Variants in CST3 observed in about 807,000 individuals in gnomAD.
CST3 encodes cystatin C.
A neutral mutation model predicts 9.0 loss-of-function variants in CST3; 14 were observed. The ratio of observed to expected loss-of-function variants is 1.56; its 90% CI spans 1.03 to 2.44. The LOEUF is 2.44. CST3 is among the 30% of genes most tolerant of loss of function. CST3 has a pLI of 0.00. For missense variants in CST3, 237 were observed against 204.3 expected (o/e 1.16, Z -0.98); for synonymous variants, 96 against 90.2 (o/e 1.06, Z -0.37).
chr20:23,637,583 G>C, intron 1 of CST3, 37 bp downstream of exon 1: 1 of 1,470,820 alleles, frequency 6.8e-7, no homozygotes, highest in Non-Finnish European at 9.0e-7. Flanking sequence ...GGGACGGCGG[G>C]GCCGGGGCTT....
At chr20:23,629,647 C>G (rs1165060706), downstream of CST3, among the ~76,000 whole-genome samples, 2 of 151,402 alleles carry the variant, frequency 1.3e-5, no homozygotes, top group African/African-American at 4.9e-5. Flanking sequence ...TTTGGACTTG[C>G]TGAGGGACTC....
downstream of CST3, among the ~76,000 whole-genome samples, chr20:23,630,732 A>G (rs1190846456): frequency 6.6e-6 from 1 of 151,954 alleles, no homozygotes. Flanking sequence ...CAACATCCCA[A>G]GCCTCTAAGT....
chr20:23,628,382 C>T (rs1436910934), exon 4 of CST3: 4 of 152,152 alleles, frequency 2.6e-5, no homozygotes, highest in African/African-American at 4.8e-5. Context: ...AGAGGCAGGG[C>T]CAGCCTCTAT....
chr20:23,633,906 G>T lies in CST3; in HGVS notation c.*10C>A. 1 of 1,612,796 alleles carries T rather than the reference G, an allele frequency of 6.2e-7. No homozygotes were observed. Among genetic ancestry groups the T allele is most frequent in the Non-Finnish European group, 8.5e-7 (1 of 1,178,812 alleles). ...GAGGTGATAGGCACAGGCCAGCCCGGTACAGACCCCTAGGCGTCCTGACAG... is the reference window on the plus strand; with the variant it reads ...GAGGTGATAGGCACAGGCCAGCCCGTTACAGACCCCTAGGCGTCCTGACAG... On this transcript the variant is annotated 3_prime_UTR_variant, in exon 3 of 3. Transcript: ENST00000376925.
At chr20:23,627,489 A>T (rs1035464284) in exon 4 of CST3, 4 of 152,194 alleles carry the variant, frequency 2.6e-5, no homozygotes, top group Non-Finnish European at 4.4e-5. Context: ...TCTGATTTTA[A>T]TAATGATGCT....
chr20:23,634,137 C>G (rs1013777237), intron 2 of CST3, 138 bp from the exon 3 acceptor site: 35 of 737,166 alleles, frequency 4.7e-5, no homozygotes, highest in Non-Finnish European at 1.9e-5. Context: ...CCACCCACCC[C>G]CGCTGATCCC....
Position 23,637,712 on chromosome 20 carries a change from G to A in CST3, c.151C>T (p.Arg51Cys). The change falls in exon 1 of 3, where the codon CGT (arginine) becomes TGT (cysteine). Residue 51 changes from arginine (R) to cysteine (C), a missense_variant. By Grantham distance (180) the Arg-to-Cys change is radical. Coordinates refer to ENST00000376925, the MANE Select transcript of CST3 (RefSeq NM_000099.4). ...DASVEEEGVRRALDFAVGEYN... is the reference protein window; with the variant it reads ...DASVEEEGVRCALDFAVGEYN... ...TCGCCGACGGCAAAGTCCAGTGCAC[G>A]CCGCACACCCTCCTCCTCCACGCTG... The A allele has an allele frequency of 6.5e-7, 1 of 1,544,728 alleles. No individual in the cohort carries two copies. Among genetic ancestry groups the A allele is most frequent in the Non-Finnish European group, 8.7e-7 (1 of 1,146,112 alleles).
chr20:23,635,345 A>T lies in CST3; in HGVS notation c.266T>A (p.Phe89Tyr), dbSNP rs772943690. 5 of 1,612,744 alleles carry T rather than the reference A, an allele frequency of 3.1e-6. No individual in the cohort carries two copies. The highest frequency in any genetic ancestry group is 4.5e-5 in the East Asian group (2 of 44,816). Residue 89 changes from phenylalanine to tyrosine, a missense_variant, in exon 2 of 3, where the codon TTC becomes TAC. By Grantham distance (22) the Phe-to-Tyr change is conservative. Coordinates refer to ENST00000376925, the MANE Select transcript of CST3 (RefSeq NM_000099.4). ...RKQIVAGVNY[F>Y]LDVELGRTTC... ...GGTTCGGCCCAGCTCCACGTCCAAG[A>T]AGTAGTTCACCCCAGCTACGATCTA...
At chr20:23,628,200 G>A (rs1400732296) in exon 4 of CST3, 1 of 152,200 alleles carries the variant, frequency 6.6e-6, no homozygotes, top group Non-Finnish European at 1.5e-5. Context: ...TTGGTACTGG[G>A]GAGGTGCCTC....
downstream of CST3, chr20:23,631,963 G>C (rs953559426): frequency 6.6e-6 from 1 of 152,196 alleles, no homozygotes; most frequent in Non-Finnish European, 1.5e-5. Context: ...GTGCAAGGGC[G>C]AGGCCTCCTC....
downstream of CST3, chr20:23,633,570 A>T: frequency 2.2e-6 from 1 of 461,710 alleles, no homozygotes; most frequent in Non-Finnish European, 4.0e-6. Context: ...TCTCATCTTC[A>T]CACCAGCAGG....
At chr20:23,631,444 C>T (rs749051548), downstream of CST3, among the ~76,000 whole-genome samples, 49 of 152,172 alleles carry the variant, frequency 3.2e-4, no homozygotes, top group African/African-American at 1.1e-3. Flanking sequence ...GCACAGAAGC[C>T]CAGGGTCTGG....
At position 23,637,814 on chromosome 20, in the gene CST3, C is replaced by G. The variant is rs11542359; in HGVS notation, c.49G>C (p.Val17Leu). The G allele has an allele frequency of 1.3e-6, 2 of 1,505,804 alleles. No homozygotes were observed. The highest frequency in any genetic ancestry group is 2.2e-5 in the Admixed American group (1 of 45,254). The allele number at this position is 1,505,804 out of a possible 1,614,324, so 93.3% of individuals were successfully genotyped here. ...GCCGCGGGGCTCACGGCCAGGGCCACGGCCAGGATGGCCAGCAGGAGCAGC... is the reference window on the plus strand; with the variant it reads ...GCCGCGGGGCTCACGGCCAGGGCCAGGGCCAGGATGGCCAGCAGGAGCAGC... ...APLLLLAILA[V>L]ALAVSPAAGS... The change falls in exon 1 of 3, where the codon GTG (valine) becomes CTG (leucine). Residue 17 changes from valine to leucine, a missense_variant. Transcript: ENST00000376925.
chr20:23,637,481 G>C, intron 1 of CST3, 139 bp downstream of exon 1: 1 of 862,114 alleles, frequency 1.2e-6, no homozygotes, highest in African/African-American at 1.8e-5. Flanking sequence ...GGGCTCGGGG[G>C]TGACAGCGAA....
At position 23,637,850 on chromosome 20, in the gene CST3, G is replaced by C; in HGVS notation, c.13C>G (p.Leu5Val). 1 of 1,428,418 alleles carries C rather than the reference G, an allele frequency of 7.0e-7. No homozygotes were observed. Among genetic ancestry groups the C allele is most frequent in the Non-Finnish European group, 9.1e-7 (1 of 1,098,998 alleles). 88.5% of individuals were successfully genotyped at this position (1,428,418 alleles called of 1,614,324 possible). Residue 5 changes from leucine to valine, a missense_variant, in exon 1 of 3, where the codon CTG becomes GTG. Leu to Val is a conservative substitution (Grantham distance 32). Transcript: ENST00000376925. MAGP[L>V]RAPLLLLAIL... ...GCCAGCAGGAGCAGCGGGGCGCGCAGGGGCCCGGCCATGGTCGGCTAGGAC... is the reference window on the plus strand; with the variant it reads ...GCCAGCAGGAGCAGCGGGGCGCGCACGGGCCCGGCCATGGTCGGCTAGGAC...
rs554301676 is a variant in CST3, at chr20:23,636,024, G to A, written c.244-657C>T. On this transcript the variant is annotated intron_variant, in intron 1 of 2. Transcript: ENST00000376925. ...ACCAGGGTGCTAGACCTTGCCCTGTGGAACCACACACAAGTCCTGTAGAAG... is the reference window on the plus strand; with the variant it reads ...ACCAGGGTGCTAGACCTTGCCCTGTAGAACCACACACAAGTCCTGTAGAAG... Among the ~76,000 whole-genome samples, 4 of 152,248 alleles carry A rather than the reference G, an allele frequency of 2.6e-5. No individual in the cohort carries two copies. The East Asian group carries it at 7.7e-4, about 29-fold the overall frequency.
downstream of CST3, among the ~76,000 whole-genome samples, chr20:23,633,109 T>G (rs1979510270): frequency 6.6e-6 from 1 of 152,182 alleles, no homozygotes; most frequent in Non-Finnish European, 1.5e-5. Context: ...CTGGTCTGGC[T>G]GGCGTTTCTC....
intron 2 of CST3, 45 bp from the exon 3 acceptor site, chr20:23,634,044 A>G: frequency 6.6e-7 from 1 of 1,518,836 alleles, no homozygotes; most frequent in Non-Finnish European, 9.1e-7. Flanking sequence ...GTTACAGTTC[A>G]AAGCAGAAGA....
intron 1 of CST3, 25 bp from the exon 2 acceptor site, chr20:23,635,392 C>T: frequency 6.3e-7 from 1 of 1,591,900 alleles, no homozygotes; most frequent in Admixed American, 1.7e-5. Context: ...GAGCAGGAGG[C>T]AGGGACAGCA....
Sources: allele counts gnomAD v4.1 joint callset (sites outside exome capture counted in the v4.1 genomes callset), GRCh38; gene constraint gnomAD v4.1.1; transcripts MANE v1.5; gene names NCBI Gene and HGNC (gene_info 2026-07-23, HGNC 2026-07-21).